EYS: variants seen among roughly 807,000 people sequenced by gnomAD.
The protein encoded by EYS is protein eyes shut homolog.
EYS carries 250 observed loss-of-function variants against 282.1 expected under a neutral mutation model. That is an observed-to-expected ratio of 0.89 (90% CI 0.80 to 0.98). The LOEUF is 0.98. Among genes scored for constraint, EYS ranks in the 50% least tolerant of loss-of-function variants. EYS has a pLI of 0.00. For synonymous variants in EYS, 1,355 were observed against 1,282.9 expected (o/e 1.06, Z -1.20); for missense variants, 4,016 against 3,709.0 (o/e 1.08, Z -2.15).
intron 31 of EYS, among the ~76,000 whole-genome samples, chr6:64,215,484 A>G (rs1443142843): frequency 6.6e-6 from 1 of 152,104 alleles, no homozygotes; most frequent in East Asian, 1.9e-4. Context: ...AAATTTTAAA[A>G]TATGTTCAAA....
chr6:65,686,620 A>G (rs1021239313), intron 1 of EYS, among the ~76,000 whole-genome samples: 3 of 152,150 alleles, frequency 2.0e-5, no homozygotes, highest in Admixed American at 6.6e-5. Flanking sequence ...CAAACTACAA[A>G]ATGAAAGATA....
rs908288838 is a variant in EYS, at chr6:64,495,699, G to A, written c.5645-56347C>T. Among the ~76,000 whole-genome samples the A allele has an allele frequency of 4.5e-4, 69 of 151,806 alleles. 1 individual carries two copies. The highest frequency in any genetic ancestry group is 1.8e-4 in the Non-Finnish European group (12 of 67,814). ...ATGTAGACAAGACATAGAGTAAGAC[G>A]TTAAACCTTTTATTTCCCTTAACTA... On this transcript the variant is annotated intron_variant, in intron 26 of 42. Transcript: ENST00000503581.
chr6:64,971,728 G>A (rs1176398984), intron 14 of EYS, among the ~76,000 whole-genome samples: 1 of 151,994 alleles, frequency 6.6e-6, no homozygotes, highest in Non-Finnish European at 1.5e-5. Flanking sequence ...TCTACATAGG[G>A]GATCATAAGA....
At chr6:65,407,404 C>T (rs761277954) in intron 5 of EYS, among the ~76,000 whole-genome samples, 1 of 151,972 alleles carries the variant, frequency 6.6e-6, no homozygotes, top group Non-Finnish European at 1.5e-5. Flanking sequence ...TACAGGCATG[C>T]ATCACCATGC....
At chr6:64,937,732 C>T (rs1768957159) in intron 15 of EYS, among the ~76,000 whole-genome samples, 1 of 151,560 alleles carries the variant, frequency 6.6e-6, no homozygotes, top group South Asian at 2.1e-4. Context: ...GGAAGTTCCT[C>T]TAAAAGTTAA....
intron 31 of EYS, among the ~76,000 whole-genome samples, chr6:64,125,030 A>G (rs986595965): frequency 1.3e-5 from 2 of 152,116 alleles, no homozygotes; most frequent in African/African-American, 4.8e-5. Flanking sequence ...AACAAAGACA[A>G]AAGTTCTGAT....
chr6:65,577,195 A>G, intron 2 of EYS, among the ~76,000 whole-genome samples: 1 of 151,984 alleles, frequency 6.6e-6, no homozygotes, highest in Non-Finnish European at 1.5e-5. Context: ...TAGTAATCAA[A>G]ACAGCATGGT....
At position 65,342,474 on chromosome 6, in the gene EYS, A is replaced by T. The variant is rs56013777; in HGVS notation, c.1599+1564T>A. Among the ~76,000 whole-genome samples the T allele has an allele frequency of 2.0e-3, 305 of 150,928 alleles. 1 individual carries two copies. Among genetic ancestry groups the T allele is most frequent in the Middle Eastern group, 5.6e-3 (1 of 178 alleles). ...TACAATTTCTAAATATTTAGTCAAC[A>T]TTAAGAACTTACACAGATATTTAAT... On this transcript the variant is annotated intron_variant, in intron 10 of 42. Transcript: ENST00000503581.
chr6:64,572,438 A>C (rs905935616), intron 26 of EYS, among the ~76,000 whole-genome samples: 1 of 152,214 alleles, frequency 6.6e-6, no homozygotes, highest in African/African-American at 2.4e-5. Context: ...AAGGGCATTC[A>C]AATAGGGAGA....
At chr6:64,803,408 G>A (rs935746135) in intron 22 of EYS, among the ~76,000 whole-genome samples, 3 of 152,060 alleles carry the variant, frequency 2.0e-5, no homozygotes, top group Non-Finnish European at 4.4e-5. Flanking sequence ...GGCTTTAGAA[G>A]GGAGGAAGTC....
At chr6:63,740,587 T>C (rs1769050374) in intron 41 of EYS, among the ~76,000 whole-genome samples, 1 of 152,200 alleles carries the variant, frequency 6.6e-6, no homozygotes, top group Admixed American at 6.5e-5. Context: ...ATTCTTATAA[T>C]AAAGCTATGT....
chr6:65,359,709 TA>T (rs1483845195), intron 8 of EYS, among the ~76,000 whole-genome samples: 2 of 151,980 alleles, frequency 1.3e-5, no homozygotes, highest in African/African-American at 4.8e-5. Flanking sequence ...AGGCAGATAT[TA>T]ATAGTGGGAA....
At chr6:65,275,220 T>C (rs2150269551) in intron 12 of EYS, among the ~76,000 whole-genome samples, 1 of 152,306 alleles carries the variant, frequency 6.6e-6, no homozygotes. Context: ...AATCTTGCCA[T>C]CCGCTGTGGC....
chr6:63,950,422 C>T (rs893560022), intron 35 of EYS, among the ~76,000 whole-genome samples: 2 of 151,978 alleles, frequency 1.3e-5, no homozygotes, highest in Admixed American at 6.6e-5. Flanking sequence ...AGAACAACCC[C>T]CTTTGACTAT....
chr6:65,259,271 G>A (rs961699945), intron 12 of EYS, among the ~76,000 whole-genome samples: 5 of 151,990 alleles, frequency 3.3e-5, no homozygotes, highest in Non-Finnish European at 7.4e-5. Flanking sequence ...CCCTCCTGGT[G>A]GTAACAAATG....
intron 5 of EYS, among the ~76,000 whole-genome samples, chr6:65,475,555 C>G (rs1765369451): frequency 6.6e-6 from 1 of 151,934 alleles, no homozygotes; most frequent in Admixed American, 6.6e-5. Context: ...CAGATCATTA[C>G]TTTTCTATGA....
chr6:64,184,495 A>G (rs922912063), intron 31 of EYS, among the ~76,000 whole-genome samples: 2 of 152,294 alleles, frequency 1.3e-5, no homozygotes, highest in Admixed American at 6.5e-5. Flanking sequence ...GAGCTCCTCC[A>G]TAAAGCCACT....
chr6:64,961,272 A>G (rs1465415865), intron 14 of EYS, among the ~76,000 whole-genome samples: 1 of 152,168 alleles, frequency 6.6e-6, no homozygotes, highest in African/African-American at 2.4e-5. Context: ...TGATTATGGA[A>G]TGTAGCCCTT....
intron 29 of EYS, among the ~76,000 whole-genome samples, chr6:64,333,874 T>C (rs1770736932): frequency 6.6e-6 from 1 of 152,202 alleles, no homozygotes; most frequent in Non-Finnish European, 1.5e-5. Context: ...TCATGTTATG[T>C]ATGTGGAGGT....
Sources: allele counts gnomAD v4.1 joint callset (sites outside exome capture counted in the v4.1 genomes callset), GRCh38; gene constraint gnomAD v4.1.1; transcripts MANE v1.5; gene names NCBI Gene and HGNC (gene_info 2026-07-23, HGNC 2026-07-21).